Variants in CSMD1 observed in about 807,000 individuals in gnomAD.
CSMD1 encodes CUB and Sushi multiple domains 1.
Under a neutral mutation model 417.5 loss-of-function variants are expected in CSMD1, and 213 were observed. The ratio of observed to expected loss-of-function variants is 0.51; its 90% CI spans 0.46 to 0.57. CSMD1 has a LOEUF of 0.57. Ranked by LOEUF, CSMD1 falls within the 20% of genes least tolerant of loss-of-function variation. CSMD1 has a pLI of 0.00. For synonymous variants in CSMD1, 2,862 were observed against 1,736.8 expected, an observed-to-expected ratio of 1.65 and a Z score of -16.11; for missense variants, 6,923 against 4,529.7, an observed-to-expected ratio of 1.53 and a Z score of -15.17.
intron 30 of CSMD1, among the ~76,000 whole-genome samples, chr8:3,212,770 C>T (rs144674981): frequency 1.4e-4 from 21 of 151,962 alleles, no homozygotes; most frequent in African/African-American, 3.9e-4. Context: ...TAGCAGAACA[C>T]GCCAGGGAAG....
At chr8:4,821,269 C>T (rs1272081458) in intron 1 of CSMD1, among the ~76,000 whole-genome samples, 2 of 152,018 alleles carry the variant, frequency 1.3e-5, no homozygotes, top group African/African-American at 4.8e-5. Context: ...CAAATTGAGG[C>T]AAATATGAAT....
At chr8:3,502,307 G>C (rs780531653) in intron 10 of CSMD1, among the ~76,000 whole-genome samples, 2 of 147,492 alleles carry the variant, frequency 1.4e-5, no homozygotes, top group South Asian at 2.1e-4. Flanking sequence ...GGAGCTTGCA[G>C]TGAGCTGAGA....
chr8:4,786,123 T>C (rs1797389344), intron 1 of CSMD1, among the ~76,000 whole-genome samples: 1 of 152,180 alleles, frequency 6.6e-6, no homozygotes, highest in South Asian at 2.1e-4. Context: ...AAATATCCTG[T>C]TTGCTTCTAA....
intron 7 of CSMD1, among the ~76,000 whole-genome samples, chr8:3,702,759 G>T (rs1395166872): frequency 6.6e-6 from 1 of 152,208 alleles, no homozygotes; most frequent in African/African-American, 2.4e-5. Context: ...TGGAACCTGG[G>T]AGGTGCAGGT....
At chr8:4,592,330 C>A (rs1800032688) in intron 2 of CSMD1, among the ~76,000 whole-genome samples, 1 of 151,560 alleles carries the variant, frequency 6.6e-6, no homozygotes, top group African/African-American at 2.4e-5. Flanking sequence ...TAAATTATTC[C>A]ATTAAATTGT....
intron 1 of CSMD1, among the ~76,000 whole-genome samples, chr8:4,825,718 C>T (rs895577691): frequency 7.5e-6 from 1 of 134,150 alleles, no homozygotes; most frequent in Non-Finnish European, 1.7e-5. Context: ...ATTTGCAAAC[C>T]ATTTATCTGG....
At chr8:4,888,573 A>G (rs574079938) in intron 1 of CSMD1, among the ~76,000 whole-genome samples, 1 of 151,818 alleles carries the variant, frequency 6.6e-6, no homozygotes, top group African/African-American at 2.4e-5. Flanking sequence ...CCTGTACCCT[A>G]ACTCTATCTG....
intron 5 of CSMD1, among the ~76,000 whole-genome samples, chr8:3,759,366 A>T (rs1797860917): frequency 1.3e-5 from 2 of 152,172 alleles, no homozygotes; most frequent in Admixed American, 1.3e-4. Flanking sequence ...TCTATTCATA[A>T]CCTTACTGAA....
intron 5 of CSMD1, among the ~76,000 whole-genome samples, chr8:3,985,951 A>C (rs1476214912): frequency 6.6e-6 from 1 of 151,334 alleles, no homozygotes; most frequent in African/African-American, 2.4e-5. Flanking sequence ...TTCTAATTCT[A>C]GCCTAAAAGT....
chr8:3,296,436 G>A (rs552152383), intron 25 of CSMD1, among the ~76,000 whole-genome samples: 30 of 152,218 alleles, frequency 2.0e-4, no homozygotes, highest in African/African-American at 6.7e-4. Flanking sequence ...AGGTGCCTAC[G>A]CACAGAGGGC....
intron 3 of CSMD1, among the ~76,000 whole-genome samples, chr8:4,129,231 T>C (rs1468592051): frequency 6.6e-6 from 1 of 152,188 alleles, no homozygotes; most frequent in Non-Finnish European, 1.5e-5. Flanking sequence ...TCCTATCAAT[T>C]TCCTCTTCTG....
intron 1 of CSMD1, among the ~76,000 whole-genome samples, chr8:4,849,559 C>G (rs181710114): frequency 6.6e-6 from 1 of 152,280 alleles, no homozygotes; most frequent in African/African-American, 2.4e-5. Flanking sequence ...GACAAGTACT[C>G]TATACAGGTG....
chr8:4,554,969 G>C (rs998395076), intron 2 of CSMD1, among the ~76,000 whole-genome samples: 12 of 152,150 alleles, frequency 7.9e-5, no homozygotes, highest in Admixed American at 5.9e-4. Context: ...CTGCTGGAGG[G>C]GCCACCAGGG....
chr8:3,749,380 A>G (rs1340949980), intron 6 of CSMD1, among the ~76,000 whole-genome samples: 1 of 152,208 alleles, frequency 6.6e-6, no homozygotes, highest in East Asian at 1.9e-4. Flanking sequence ...ATAGATTTTA[A>G]GAGTAGCAAC....
At chr8:4,959,260 T>C (rs1484807656) in intron 1 of CSMD1, among the ~76,000 whole-genome samples, 3 of 152,192 alleles carry the variant, frequency 2.0e-5, no homozygotes, top group East Asian at 3.8e-4. Context: ...TGGGGTCATA[T>C]GTTTTGGAAA....
intron 3 of CSMD1, among the ~76,000 whole-genome samples, chr8:4,153,447 G>A (rs1270073658): frequency 1.3e-5 from 2 of 152,192 alleles, no homozygotes; most frequent in East Asian, 1.9e-4. Context: ...CTTAGCAGAT[G>A]AGCCAGTGGA....
chr8:4,602,461 T>C (rs573007639), intron 2 of CSMD1, among the ~76,000 whole-genome samples: 1 of 152,276 alleles, frequency 6.6e-6, no homozygotes, highest in East Asian at 1.9e-4. Flanking sequence ...GCTGAAACCT[T>C]ATTTAATATG....
At chr8:3,823,768 C>G in intron 5 of CSMD1, among the ~76,000 whole-genome samples, 1 of 152,032 alleles carries the variant, frequency 6.6e-6, no homozygotes, top group East Asian at 1.9e-4. Context: ...CTCTAAAATA[C>G]TTTTGTCAGT....
chr8:4,467,374 G>C (rs969541493), intron 2 of CSMD1, among the ~76,000 whole-genome samples: 1 of 152,084 alleles, frequency 6.6e-6, no homozygotes, highest in African/African-American at 2.4e-5. Context: ...CAATTCAAAT[G>C]TCCTCATTCC....
Sources: allele counts gnomAD v4.1 joint callset (sites outside exome capture counted in the v4.1 genomes callset), GRCh38; gene constraint gnomAD v4.1.1; transcripts MANE v1.5; gene names NCBI Gene and HGNC (gene_info 2026-07-23, HGNC 2026-07-21).